The following PCDHA1 variants were observed in gnomAD, a reference collection of about 807,000 sequenced individuals.
PCDHA1 encodes the protein protocadherin alpha 1, also known as protocadherin alpha-1.
In PCDHA1, 42 loss-of-function variants were observed where a neutral mutation model predicts 61.3. The observed-to-expected ratio is 0.69, with a 90% CI of 0.54 to 0.89. The LOEUF (loss-of-function observed/expected upper bound fraction) is 0.89, where lower values mean the gene tolerates loss of function less well. Among genes scored for constraint, PCDHA1 ranks in the 40% least tolerant of loss-of-function variants. The probability of loss-of-function intolerance (pLI) is 0.00; values close to 1 mark genes in which losing one functional copy is unlikely to be tolerated. For missense variants in PCDHA1, 1,256 were observed against 1,235.3 expected (o/e 1.02, Z -0.25); for synonymous variants, 610 against 553.8 (o/e 1.10, Z -1.43).
intron 1 of PCDHA1, chr5:140,869,887 C>A: frequency 1.9e-6 from 3 of 1,610,174 alleles, no homozygotes; most frequent in Non-Finnish European, 2.5e-6. Context: ...AACTCTTGTG[C>A]TCAAACTAAA....
chr5:140,926,441 A>G (rs1476576189), intron 1 of PCDHA1: 1 of 154,800 alleles, frequency 6.5e-6, no homozygotes, highest in African/African-American at 2.4e-5. Context: ...AGATCTGGGC[A>G]GCCTCAGGGC....
Position 140,989,317 on chromosome 5 carries a change from C to T in PCDHA1, c.2542+6754C>T, listed in dbSNP as rs184467267. Among the ~76,000 whole-genome samples, 489 of 152,240 alleles carry T rather than the reference C, an allele frequency of 3.2e-3. 2 individuals carry two copies. Among genetic ancestry groups the T allele is most frequent in the African/African-American group, 0.011 (440 of 41,530 alleles). Reference sequence around the variant, plus strand: ...AAAGGGCCAAGGAAGTAGGGTCTCACCAACTTTGCCACCTGACTCAGCTCA... The same window carrying T: ...AAAGGGCCAAGGAAGTAGGGTCTCATCAACTTTGCCACCTGACTCAGCTCA... On this transcript the variant is annotated intron_variant, in intron 3 of 3. Transcript: ENST00000504120.
rs782797910 is a variant in PCDHA1 at position 140,795,070 on chromosome 5, C to T, written c.2394+6386C>T. The stretch of plus-strand genomic sequence containing the variant: ...GAGCGGCCAGCTCCGCTACTCCGTC[C>T]CCGAGGAGGCCAAACACGGCACCTT... On this transcript the variant is annotated intron_variant, in intron 1 of 3. Coordinates refer to ENST00000504120, the MANE Select transcript of PCDHA1 (RefSeq NM_018900.4). 6.2e-7 allele frequency: 1 copy of T among 1,613,950 alleles called. No homozygotes were observed. The highest frequency in any genetic ancestry group is 1.1e-5 in the South Asian group (1 of 91,078).
chr5:140,900,563 C>G (rs1174778855), intron 1 of PCDHA1, among the ~76,000 whole-genome samples: 4 of 152,164 alleles, frequency 2.6e-5, no homozygotes, highest in Non-Finnish European at 5.9e-5. Flanking sequence ...AGGCGTGAGC[C>G]ACGGCACCGG....
intron 1 of PCDHA1, chr5:140,876,767 C>T (rs1462172871): frequency 1.2e-6 from 2 of 1,614,194 alleles, no homozygotes; most frequent in South Asian, 1.1e-5. Flanking sequence ...GATGGGGGCT[C>T]GCCTTCGCTG....
chr5:140,894,821 C>A (rs1303468240), intron 1 of PCDHA1, among the ~76,000 whole-genome samples: 1 of 151,806 alleles, frequency 6.6e-6, no homozygotes, highest in African/African-American at 2.4e-5. Flanking sequence ...TCAGATTTGC[C>A]CATAATCCTT....
intron 1 of PCDHA1, chr5:140,882,798 A>AT: frequency 6.2e-7 from 1 of 1,614,236 alleles, no homozygotes; most frequent in Non-Finnish European, 8.5e-7. Flanking sequence ...CCCAACGATT[A>AT]TTTCACTTTG....
At chr5:141,002,485 C>T (rs1287282223) in intron 3 of PCDHA1, among the ~76,000 whole-genome samples, 2 of 152,154 alleles carry the variant, frequency 1.3e-5, no homozygotes, top group Non-Finnish European at 2.9e-5. Flanking sequence ...AAAGGATGAC[C>T]TTGTTATACA....
chr5:140,835,869 G>T (rs781933371), intron 1 of PCDHA1: 1 of 1,612,094 alleles, frequency 6.2e-7, no homozygotes, highest in Non-Finnish European at 8.5e-7. Context: ...CTCGCTGGTG[G>T]AGCTGCGGGT....
In PCDHA1 at chr5:140,844,917, G is replaced by T. The variant is rs2150375061; in HGVS notation, c.2394+56233G>T. On this transcript the variant is annotated intron_variant, in intron 1 of 3. Coordinates refer to ENST00000504120, the MANE Select transcript of PCDHA1 (RefSeq NM_018900.4). ...TGCTTTGGAGAGAATGGTAGAAATT[G>T]ATGGAAGGGAATGAACGATTTCTGG... 3.9e-4 allele frequency among the ~76,000 whole-genome samples: 58 copies of T among 149,480 alleles called. 5 individuals carry two copies. The highest frequency in any genetic ancestry group is 2.2e-3 in the Admixed American group (33 of 14,920).
intron 1 of PCDHA1, among the ~76,000 whole-genome samples, chr5:140,971,186 G>T (rs1052745272): frequency 1.8e-4 from 28 of 152,258 alleles, no homozygotes; most frequent in African/African-American, 6.7e-4. Context: ...TAAGCCGGAA[G>T]CTCAGAGGAA....
intron 1 of PCDHA1, chr5:140,836,813 T>A (rs984631065): frequency 8.2e-7 from 1 of 1,217,894 alleles, no homozygotes; most frequent in African/African-American, 1.5e-5. Flanking sequence ...TTTTCTTTCA[T>A]AATTTCTTTT....
Position 140,787,258 on chromosome 5 carries a change from T to A in PCDHA1, c.968T>A (p.Val323Asp), listed in dbSNP as rs1554117746. Residue 323 changes from valine to aspartate, a missense_variant, in exon 1 of 4, where the codon GTT becomes GAT. Transcript: ENST00000504120. Reference sequence around the variant, plus strand: ...TCCTACGAAATTCAAGTAAAGGCAGTTGATAAAGGAAGTCCTCCGATGTCA... The same window carrying A: ...TCCTACGAAATTCAAGTAAAGGCAGATGATAAAGGAAGTCCTCCGATGTCA... ...TKSYEIQVKA[V>D]DKGSPPMSNH... 3.1e-6 allele frequency: 5 copies of A among 1,614,182 alleles called. No homozygotes were observed. The highest frequency in any genetic ancestry group is 1.6e-4 in the Middle Eastern group (1 of 6,062).
At chr5:140,855,306 T>C (rs2043421281) in intron 1 of PCDHA1, among the ~76,000 whole-genome samples, 1 of 149,750 alleles carries the variant, frequency 6.7e-6, no homozygotes, top group Admixed American at 6.7e-5. Context: ...AGTTATAAAA[T>C]TGGAACATGA....
At chr5:140,911,151 G>A (rs2075350899) in intron 1 of PCDHA1, among the ~76,000 whole-genome samples, 1 of 152,174 alleles carries the variant, frequency 6.6e-6, no homozygotes, top group South Asian at 2.1e-4. Context: ...TTTCTCCTCA[G>A]ACAAATGTGG....
intron 1 of PCDHA1, chr5:140,850,371 C>T (rs1386017704): frequency 1.9e-6 from 3 of 1,597,910 alleles, no homozygotes; most frequent in Non-Finnish European, 2.6e-6. Flanking sequence ...CCGCGTGGGG[C>T]TGTACACGGG....
In PCDHA1 at chr5:140,927,608, G is replaced by A. The variant is rs151084513; in HGVS notation, c.2395-51341G>A. ...CCTGTATTTGAGCGCTCCGTATACC[G>A]CACCAAGGTTCCAGAGACTGCACCC... On this transcript the variant is annotated intron_variant, in intron 1 of 3. Coordinates refer to ENST00000504120, the MANE Select transcript of PCDHA1 (RefSeq NM_018900.4). The A allele has an allele frequency of 2.2e-5, 35 of 1,614,050 alleles. No homozygotes were observed. In the African/African-American group the frequency reaches 4.4e-4, roughly 20 times the overall value.
chr5:141,009,539 C>G lies in PCDHA1; in HGVS notation c.2543-88C>G, dbSNP rs141154047. 10,440 of 1,522,742 alleles carry G rather than the reference C, an allele frequency of 6.9e-3. 51 individuals are homozygous for G. Among genetic ancestry groups the G allele is most frequent in the Admixed American group, 0.011 (516 of 46,760 alleles). 94.3% of individuals were successfully genotyped at this position (1,522,742 alleles called of 1,614,324 possible). A position where few individuals can be genotyped will look rare whatever the true frequency, so the allele number is the denominator to read the frequency against. ...ATTTTTCTGGGGAGGTTCAGCCTGC[C>G]TATGCAGTACTCCTGTACTCTACCA... On this transcript the variant is annotated intron_variant, in intron 3 of 3. Transcript: ENST00000504120.
rs112376305 is a variant in PCDHA1, at chr5:140,821,957, G to A, written c.2394+33273G>A. The stretch of plus-strand genomic sequence containing the variant: ...CTGGAGCTGGCGGAGCTGGTGCCGC[G>A]CCTGTTCCGGGTGGCGTCCAAGGGC... On this transcript the variant is annotated intron_variant, in intron 1 of 3. Coordinates refer to ENST00000504120, the MANE Select transcript of PCDHA1 (RefSeq NM_018900.4). 511 of 1,614,186 alleles carry A rather than the reference G, an allele frequency of 3.2e-4. 2 individuals are homozygous for A. Among genetic ancestry groups the A allele is most frequent in the East Asian group, 1.1e-4 (5 of 44,890 alleles).
Sources: allele counts gnomAD v4.1 joint callset (sites outside exome capture counted in the v4.1 genomes callset), GRCh38; gene constraint gnomAD v4.1.1; transcripts MANE v1.5; gene names NCBI Gene and HGNC (gene_info 2026-07-23, HGNC 2026-07-21).